Variants in LUZP2 observed in about 807,000 individuals in gnomAD.
The protein encoded by LUZP2 is leucine zipper protein 2.
A neutral mutation model predicts 51.6 loss-of-function variants in LUZP2; 52 were observed. The ratio of observed to expected loss-of-function variants is 1.01; its 90% CI spans 0.81 to 1.27. The LOEUF (loss-of-function observed/expected upper bound fraction) is 1.27. LUZP2 is among the 50% of genes most tolerant of loss of function. The pLI, the probability that LUZP2 is intolerant of heterozygous loss-of-function variation, is 0.00. For missense variants in LUZP2, 436 were observed against 395.4 expected (o/e 1.10, Z -0.87); for synonymous variants, 154 against 137.3 (o/e 1.12, Z -0.85).
intron 5 of LUZP2, among the ~76,000 whole-genome samples, chr11:24,843,484 C>G (rs1410501625): frequency 6.6e-6 from 1 of 152,034 alleles, no homozygotes; most frequent in East Asian, 1.9e-4. Context: ...TGAGCAAAAT[C>G]TAGCAACATT....
At chr11:24,819,094 G>A (rs1000159226) in intron 5 of LUZP2, among the ~76,000 whole-genome samples, 1 of 152,040 alleles carries the variant, frequency 6.6e-6, no homozygotes, top group Admixed American at 6.6e-5. Flanking sequence ...GGGAATATCA[G>A]GAGTTGGCGA....
chr11:24,600,217 A>G (rs1565018522), intron 1 of LUZP2, among the ~76,000 whole-genome samples: 1 of 136,000 alleles, frequency 7.4e-6, no homozygotes. Context: ...ACACACACAC[A>G]CGCACAATGG....
chr11:24,764,070 C>T (rs939916369), intron 5 of LUZP2, among the ~76,000 whole-genome samples: 2 of 152,006 alleles, frequency 1.3e-5, no homozygotes, highest in African/African-American at 4.8e-5. Flanking sequence ...ATTTAGGGCT[C>T]AGTGAGAAAG....
rs780438334 is a variant in LUZP2, at chr11:24,873,136, A to T, written c.397-32855A>T. ...CATTCACAGACTCTAATGCTTTCAA[A>T]CCCCAGTGCTAGTCTAAAAGCACAG... is the stretch of plus-strand genomic sequence containing the variant. On this transcript the variant is annotated intron_variant, in intron 5 of 11. Transcript: ENST00000336930. 2.0e-5 allele frequency among the ~76,000 whole-genome samples: 3 copies of T among 152,158 alleles called. No homozygotes were observed. The South Asian group carries it at 6.2e-4, about 32-fold the overall frequency.
chr11:24,534,585 A>T (rs2133831450), intron 1 of LUZP2, among the ~76,000 whole-genome samples: 1 of 151,546 alleles, frequency 6.6e-6, no homozygotes, highest in Non-Finnish European at 1.5e-5. Flanking sequence ...TTAAAAGGAT[A>T]AAGTAAATAG....
intron 1 of LUZP2, among the ~76,000 whole-genome samples, chr11:24,726,640 T>C (rs1858487075): frequency 1.3e-5 from 2 of 152,104 alleles, no homozygotes; most frequent in South Asian, 4.1e-4. Context: ...TACACTTTAT[T>C]AATTTTTAAG....
chr11:24,776,593 A>G (rs1848933552), intron 5 of LUZP2, among the ~76,000 whole-genome samples: 1 of 152,160 alleles, frequency 6.6e-6, no homozygotes, highest in African/African-American at 2.4e-5. Flanking sequence ...GTAATAATGT[A>G]ATCATTGCTG....
intron 4 of LUZP2, among the ~76,000 whole-genome samples, chr11:24,760,547 T>C (rs1859942870): frequency 6.6e-6 from 1 of 152,194 alleles, no homozygotes; most frequent in South Asian, 2.1e-4. Context: ...CTAGACATGT[T>C]AATTCTCAAG....
At chr11:24,933,821 G>T (rs559629890) in intron 7 of LUZP2, among the ~76,000 whole-genome samples, 1 of 152,168 alleles carries the variant, frequency 6.6e-6, no homozygotes, top group Non-Finnish European at 1.5e-5. Flanking sequence ...AGTCATCAAA[G>T]GGTGGTGGGA....
At chr11:24,957,776 T>C (rs1251876200) in intron 7 of LUZP2, among the ~76,000 whole-genome samples, 1 of 152,198 alleles carries the variant, frequency 6.6e-6, no homozygotes, top group Non-Finnish European at 1.5e-5. Flanking sequence ...TAATATACTT[T>C]AAGTTTTAGG....
chr11:24,762,082 A>G (rs1860001571), intron 4 of LUZP2, among the ~76,000 whole-genome samples: 1 of 36,766 alleles, frequency 2.7e-5, no homozygotes, highest in Admixed American at 3.9e-4. Flanking sequence ...GTTAGCCCAC[A>G]GGCATTTTAC....
chr11:24,910,461 C>T (rs1326825900), intron 6 of LUZP2, among the ~76,000 whole-genome samples: 2 of 152,184 alleles, frequency 1.3e-5, no homozygotes, highest in Non-Finnish European at 2.9e-5. Flanking sequence ...CCTCCCTGCT[C>T]TGTACAGCCT....
At chr11:24,738,679 C>A (rs930111315) in intron 4 of LUZP2, among the ~76,000 whole-genome samples, 1 of 152,148 alleles carries the variant, frequency 6.6e-6, no homozygotes, top group East Asian at 1.9e-4. Flanking sequence ...GAATAAGGAT[C>A]TCTCAGGAGC....
Position 24,611,266 on chromosome 11 carries a change from C to G in LUZP2, c.62+113961C>G, listed in dbSNP as rs377445896. On this transcript the variant is annotated intron_variant, in intron 1 of 11. Coordinates refer to ENST00000336930, the MANE Select transcript of LUZP2 (RefSeq NM_001009909.4). This position sits in a 1 kb window ranked among gnomAD's most constrained non-coding sequence, Gnocchi z 4.6. ...TGCCTATATTTGCCCTCAAGCAACT[C>G]AAAGCTTAAGGGAGCAAAATAATAA... Among the ~76,000 whole-genome samples, 1 of 152,000 alleles carries G rather than the reference C, an allele frequency of 6.6e-6. No individual in the cohort carries two copies. Among genetic ancestry groups the G allele is most frequent in the African/African-American group, 2.4e-5 (1 of 41,396 alleles).
At chr11:24,748,941 T>G (rs75562012) in intron 4 of LUZP2, among the ~76,000 whole-genome samples, 1,957 of 152,326 alleles carry the variant, frequency 0.013, 20 homozygotes, top group Non-Finnish European at 0.02. Flanking sequence ...TTATGCTTTT[T>G]AGAAAATTAA....
intron 1 of LUZP2, among the ~76,000 whole-genome samples, chr11:24,552,279 C>T (rs1183219373): frequency 6.6e-6 from 1 of 151,942 alleles, no homozygotes; most frequent in African/African-American, 2.4e-5. Context: ...TATATGTCAT[C>T]TGCAGAAACA....
chr11:24,783,112 A>C (rs535234431), intron 5 of LUZP2, among the ~76,000 whole-genome samples: 32 of 152,172 alleles, frequency 2.1e-4, no homozygotes, highest in African/African-American at 7.7e-4. Flanking sequence ...CCACATAAAT[A>C]ACTGCCTCTT....
At chr11:24,989,939 C>T (rs1287889734) in intron 9 of LUZP2, among the ~76,000 whole-genome samples, 1 of 151,906 alleles carries the variant, frequency 6.6e-6, no homozygotes, top group East Asian at 1.9e-4. Context: ...ATTATTTTTC[C>T]ATCAGTTCCT....
chr11:24,991,390 G>GTTTATATATA (rs748533379), intron 9 of LUZP2, among the ~76,000 whole-genome samples: 1 of 63,524 alleles, frequency 1.6e-5, no homozygotes, highest in African/African-American at 3.7e-5. Flanking sequence ...GTGTGTGTGT[G>GTTTATATATA]TGTGTGTATA....
Sources: gnomAD v4.1 joint callset for allele counts (sites outside exome capture counted in the v4.1 genomes callset) on GRCh38, gnomAD v4.1.1 for gene constraint, Gnocchi (gnomAD v3.1) non-coding constraint, MANE v1.5 for transcripts, NCBI Gene and HGNC (gene_info 2026-07-23, HGNC 2026-07-21) for gene names.